NRXN3: variants seen among roughly 807,000 people sequenced by gnomAD.
The protein encoded by NRXN3 is neurexin 3, also known as neurexin III.
A neutral mutation model predicts 137.6 loss-of-function variants in NRXN3; 32 were observed. The observed-to-expected ratio is 0.23, with a 90% CI of 0.18 to 0.31. The LOEUF (loss-of-function observed/expected upper bound fraction) is 0.31. Among genes scored for constraint, NRXN3 ranks in the 10% least tolerant of loss-of-function variants. NRXN3 has a pLI of 1.00. For missense variants in NRXN3, 1,574 were observed against 2,062.5 expected (o/e 0.76, Z 4.59); for synonymous variants, 798 against 784.5 (o/e 1.02, Z -0.29).
chr14:79,142,392 C>A (rs1424777915), intron 15 of NRXN3, among the ~76,000 whole-genome samples: 1 of 151,632 alleles, frequency 6.6e-6, no homozygotes, highest in Non-Finnish European at 1.5e-5. Flanking sequence ...CGCCACTGCA[C>A]CCCAGCCTGG....
chr14:78,963,193 T>C (rs1365182226), intron 11 of NRXN3, among the ~76,000 whole-genome samples: 1 of 151,958 alleles, frequency 6.6e-6, no homozygotes, highest in Non-Finnish European at 1.5e-5. Flanking sequence ...GAAAAATTAA[T>C]TTTCTAGTGA....
At chr14:78,275,427 C>T (rs1182151733) in intron 2 of NRXN3, among the ~76,000 whole-genome samples, 2 of 152,144 alleles carry the variant, frequency 1.3e-5, no homozygotes, top group Non-Finnish European at 2.9e-5. Context: ...CTCAGAGAAG[C>T]TAAGGCAGTT....
At chr14:79,105,169 T>G (rs2052157042) in intron 15 of NRXN3, among the ~76,000 whole-genome samples, 1 of 152,132 alleles carries the variant, frequency 6.6e-6, no homozygotes, top group Non-Finnish European at 1.5e-5. Context: ...AAGAATGACT[T>G]GATCATGGCA....
At chr14:78,799,278 A>C (rs897298393) in intron 8 of NRXN3, among the ~76,000 whole-genome samples, 7 of 152,122 alleles carry the variant, frequency 4.6e-5, no homozygotes, top group African/African-American at 9.7e-5. Flanking sequence ...AGTTACCCTA[A>C]ATCATCTCCC....
At chr14:78,664,939 C>T (rs969311620) in intron 6 of NRXN3, among the ~76,000 whole-genome samples, 7 of 152,094 alleles carry the variant, frequency 4.6e-5, no homozygotes, top group African/African-American at 1.7e-4. Context: ...CCAATTTCTG[C>T]TTATATTCAT....
intron 4 of NRXN3, among the ~76,000 whole-genome samples, chr14:78,458,892 A>G (rs970533921): frequency 6.6e-6 from 1 of 152,184 alleles, no homozygotes; most frequent in Non-Finnish European, 1.5e-5. Flanking sequence ...GCAGGTGAAC[A>G]TTTGCTTGGA....
chr14:78,293,597 G>T (rs993376925), intron 3 of NRXN3, among the ~76,000 whole-genome samples: 1 of 151,890 alleles, frequency 6.6e-6, no homozygotes, highest in Non-Finnish European at 1.5e-5. Context: ...ACTAATGTAG[G>T]TCCTTCCCCT....
chr14:79,605,116 C>T (rs1014329248), intron 16 of NRXN3, among the ~76,000 whole-genome samples: 5 of 152,168 alleles, frequency 3.3e-5, no homozygotes, highest in Admixed American at 1.3e-4. Flanking sequence ...AATCTTTCCT[C>T]GTGTTCATGA....
At chr14:78,632,239 G>A (rs1441266659) in intron 4 of NRXN3, among the ~76,000 whole-genome samples, 1 of 151,452 alleles carries the variant, frequency 6.6e-6, no homozygotes, top group Non-Finnish European at 1.5e-5. Flanking sequence ...TTTATGATCC[G>A]TATTTATATC....
intron 4 of NRXN3, among the ~76,000 whole-genome samples, chr14:78,314,974 CCTTCCTTCCTTCCTTTCTCTT>C (rs2078501863): frequency 4.3e-5 from 4 of 92,418 alleles, no homozygotes; most frequent in African/African-American, 1.7e-4. Flanking sequence ...TTCCTTCCTT[CCTTCCTTCCTTCCTTTCTCTT>C]TCTTTCTTTC....
intron 1 of NRXN3, among the ~76,000 whole-genome samples, chr14:78,200,390 T>C (rs2153392472): frequency 6.6e-6 from 1 of 152,290 alleles, no homozygotes; most frequent in African/African-American, 2.4e-5. Flanking sequence ...ATGTCAGTCT[T>C]ACTGAAACTC....
At chr14:78,185,597 G>A (rs191459263) in intron 1 of NRXN3, among the ~76,000 whole-genome samples, 5 of 152,260 alleles carry the variant, frequency 3.3e-5, no homozygotes, top group Admixed American at 3.3e-4. Flanking sequence ...TAGGGGATGG[G>A]GTTCACATGA....
intron 8 of NRXN3, among the ~76,000 whole-genome samples, chr14:78,721,104 T>C (rs2098457687): frequency 6.6e-6 from 1 of 152,210 alleles, no homozygotes; most frequent in Non-Finnish European, 1.5e-5. Flanking sequence ...AAGAAAAAGA[T>C]AACAATTAGA....
At chr14:78,945,343 C>G (rs1182488728) in intron 10 of NRXN3, among the ~76,000 whole-genome samples, 1 of 151,872 alleles carries the variant, frequency 6.6e-6, no homozygotes, top group African/African-American at 2.4e-5. Context: ...TTTTATCTGG[C>G]CTTATTTTTT....
chr14:79,255,894 T>A (rs564364303), intron 15 of NRXN3, among the ~76,000 whole-genome samples: 1 of 152,320 alleles, frequency 6.6e-6, no homozygotes, highest in South Asian at 2.1e-4. Flanking sequence ...TTTTGCCAGA[T>A]TTCCTCAGTT....
At chr14:78,694,053 C>T (rs1211919534) in intron 6 of NRXN3, among the ~76,000 whole-genome samples, 1 of 151,958 alleles carries the variant, frequency 6.6e-6, no homozygotes, top group East Asian at 1.9e-4. Context: ...TCAGGTCTCA[C>T]CTTAGTACTC....
chr14:79,760,735 G>A (rs1040365601), intron 19 of NRXN3: 1 of 150,838 alleles, frequency 6.6e-6, no homozygotes, highest in African/African-American at 2.5e-5. Context: ...ACAAGCAAAA[G>A]AGCTTCATAG....
At chr14:78,871,250 T>G (rs2099100617) in intron 10 of NRXN3, among the ~76,000 whole-genome samples, 1 of 151,738 alleles carries the variant, frequency 6.6e-6, no homozygotes, top group African/African-American at 2.4e-5. Flanking sequence ...ATAAAAGCCA[T>G]TTTAACTGGG....
intron 10 of NRXN3, among the ~76,000 whole-genome samples, chr14:78,934,474 C>A (rs560811614): frequency 1.3e-5 from 2 of 152,250 alleles, no homozygotes; most frequent in East Asian, 1.9e-4. Context: ...ATGGGCCCAG[C>A]AAGAGTGCTG....
Sources: gnomAD v4.1 joint callset for allele counts (sites outside exome capture counted in the v4.1 genomes callset) on GRCh38, gnomAD v4.1.1 for gene constraint, MANE v1.5 for transcripts, NCBI Gene and HGNC (gene_info 2026-07-23, HGNC 2026-07-21) for gene names.